NR3C2: variants seen among roughly 807,000 people sequenced by gnomAD.
NR3C2 encodes mineralocorticoid receptor.
Under a neutral mutation model 86.4 loss-of-function variants are expected in NR3C2, and 15 were observed. That is an observed-to-expected ratio of 0.17 (90% CI 0.12 to 0.27). The LOEUF (loss-of-function observed/expected upper bound fraction) is 0.27. Ranked by LOEUF, NR3C2 falls within the 10% of genes least tolerant of loss-of-function variation. NR3C2 has a pLI of 1.00. For missense variants in NR3C2, 960 were observed against 1,195.6 expected, an observed-to-expected ratio of 0.80 and a Z score of 2.91; for synonymous variants, 458 against 450.5, an observed-to-expected ratio of 1.02 and a Z score of -0.21.
At chr4:148,168,821 C>T (rs1305248106) in intron 4 of NR3C2, among the ~76,000 whole-genome samples, 1 of 152,122 alleles carries the variant, frequency 6.6e-6, no homozygotes, top group African/African-American at 2.4e-5. Flanking sequence ...TCTTGGTGGC[C>T]AGCTCCTTAG....
intron 2 of NR3C2, among the ~76,000 whole-genome samples, chr4:148,339,055 G>C (rs1744627677): frequency 6.6e-6 from 1 of 152,160 alleles, no homozygotes; most frequent in African/African-American, 2.4e-5. Context: ...TATTATTTTA[G>C]TATCTGTAAG....
Position 148,119,157 on chromosome 4 carries a change from C to G in NR3C2, c.2641+1001G>C, listed in dbSNP as rs1012041017. On this transcript the variant is annotated intron_variant, in intron 7 of 8. Coordinates refer to ENST00000358102, the MANE Select transcript of NR3C2 (RefSeq NM_000901.5). Reference sequence around the variant, plus strand: ...TGAATATTTTGGTCTAATCCACACCCCAATCTTATTACCCACAACTCCTCC... The same window carrying G: ...TGAATATTTTGGTCTAATCCACACCGCAATCTTATTACCCACAACTCCTCC... Among the ~76,000 whole-genome samples the G allele has an allele frequency of 2.0e-5, 3 of 152,164 alleles. No homozygotes were observed. The East Asian group carries it at 5.8e-4, about 29-fold the overall frequency.
At chr4:148,209,608 T>C (rs1452431969) in intron 3 of NR3C2, among the ~76,000 whole-genome samples, 1 of 152,258 alleles carries the variant, frequency 6.6e-6, no homozygotes, top group South Asian at 2.1e-4. Flanking sequence ...TAAGAAAGCA[T>C]ATAGATTTAT....
intron 2 of NR3C2, among the ~76,000 whole-genome samples, chr4:148,303,786 G>A (rs192423500): frequency 6.6e-6 from 1 of 152,200 alleles, no homozygotes; most frequent in African/African-American, 2.4e-5. Context: ...CATGGATAAA[G>A]GTCACGCTAG....
Position 148,316,701 on chromosome 4 carries a change from AC to A in NR3C2, c.1758-56585del, listed in dbSNP as rs540021944. 1.0e-3 allele frequency among the ~76,000 whole-genome samples: 157 copies of A among 152,268 alleles called. 1 individual carries two copies. The highest frequency in any genetic ancestry group is 3.6e-3 in the African/African-American group (148 of 41,544). On this transcript the variant is annotated intron_variant, in intron 2 of 8. Transcript: ENST00000358102. ...CTCCAATTTTATACTATATATTTAT[AC>A]TTCTCATTATTTTAGAGAGCATACA...
At chr4:148,387,762 T>C (rs944815216) in intron 2 of NR3C2, among the ~76,000 whole-genome samples, 5 of 152,206 alleles carry the variant, frequency 3.3e-5, no homozygotes, top group Admixed American at 3.3e-4. Flanking sequence ...CCCAAAGAAT[T>C]TAACAGTGAC....
intron 2 of NR3C2, among the ~76,000 whole-genome samples, chr4:148,263,332 C>T (rs1334377414): frequency 6.6e-6 from 1 of 152,194 alleles, no homozygotes; most frequent in African/African-American, 2.4e-5. Context: ...AGGTTCAAAC[C>T]TTGTACTCTT....
Position 148,320,240 on chromosome 4 carries a change from G to C in NR3C2, c.1758-60123C>G, listed in dbSNP as rs1348085609. Among the ~76,000 whole-genome samples the C allele has an allele frequency of 1.4e-4, 10 of 71,660 alleles. 4 individuals carry two copies. The highest frequency in any genetic ancestry group is 2.5e-4 in the Non-Finnish European group (10 of 39,610). The allele number at this position is 71,660 out of a possible 152,430, so 47.0% of individuals were successfully genotyped here. On this transcript the variant is annotated intron_variant, in intron 2 of 8. Coordinates refer to ENST00000358102, the MANE Select transcript of NR3C2 (RefSeq NM_000901.5). ...CAGGGATGAAGCCCACTTGATCATG[G>C]TGGATAAGTTTTTGATGTGCTGCTG...
intron 2 of NR3C2, among the ~76,000 whole-genome samples, chr4:148,271,701 G>A (rs1399029132): frequency 6.6e-6 from 1 of 151,830 alleles, no homozygotes; most frequent in African/African-American, 2.4e-5. Flanking sequence ...TATATATTTT[G>A]GCTTTGAGAA....
chr4:148,176,935 G>T (rs1735405367), intron 4 of NR3C2, among the ~76,000 whole-genome samples: 1 of 152,184 alleles, frequency 6.6e-6, no homozygotes, highest in Non-Finnish European at 1.5e-5. Context: ...TTAGTACGCT[G>T]AAGGAAGAAG....
At chr4:148,097,121 G>A (rs1041302230) in intron 8 of NR3C2, among the ~76,000 whole-genome samples, 1 of 152,114 alleles carries the variant, frequency 6.6e-6, no homozygotes, top group Non-Finnish European at 1.5e-5. Context: ...CTAGCCTTTA[G>A]GAAACGCCTT....
chr4:148,145,341 C>A (rs547105686), intron 6 of NR3C2, among the ~76,000 whole-genome samples: 2 of 152,290 alleles, frequency 1.3e-5, no homozygotes, highest in South Asian at 4.1e-4. Flanking sequence ...CAGCCCACCC[C>A]AAGGGAAGAA....
intron 4 of NR3C2, 69 bp from the exon 5 acceptor site, chr4:148,154,970 AAAG>A (rs1734292349): frequency 7.9e-7 from 1 of 1,266,152 alleles, no homozygotes; most frequent in Admixed American, 2.0e-5. Flanking sequence ...CACACTGGTT[AAAG>A]TACAGTTTTC....
intron 6 of NR3C2, among the ~76,000 whole-genome samples, chr4:148,120,829 T>C (rs967835365): frequency 4.1e-4 from 62 of 152,308 alleles, no homozygotes; most frequent in African/African-American, 1.4e-3. Flanking sequence ...AAAAATACTT[T>C]AAAAGGTGAG....
chr4:148,297,995 T>G (rs888769415), intron 2 of NR3C2, among the ~76,000 whole-genome samples: 1 of 151,744 alleles, frequency 6.6e-6, no homozygotes, highest in Non-Finnish European at 1.5e-5. Flanking sequence ...TTGGAAGGAG[T>G]GTAAAGTGTT....
chr4:148,254,928 CT>C (rs1474376277), intron 3 of NR3C2, among the ~76,000 whole-genome samples: 8 of 152,096 alleles, frequency 5.3e-5, no homozygotes, highest in Non-Finnish European at 1.2e-4. Flanking sequence ...ATTATTCCCC[CT>C]ACTTTATCAG....
rs370209760 is a variant in NR3C2, at chr4:148,428,117, C to A, written c.1757+6987G>T. ...TCAAGTGGTCTAAGTATAGTAATAA[C>A]CCAAACAGAAATCACATGCCACCTG... On this transcript the variant is annotated intron_variant, in intron 2 of 8. Transcript: ENST00000358102. 1.1e-4 allele frequency among the ~76,000 whole-genome samples: 17 copies of A among 152,228 alleles called. No homozygotes were observed. The East Asian group carries it at 2.9e-3, about 26-fold the overall frequency.
In NR3C2 at chr4:148,116,414, T is replaced by C. The variant is rs1732275163; in HGVS notation, c.2642-2153A>G. Among the ~76,000 whole-genome samples the C allele has an allele frequency of 3.3e-5, 5 of 152,368 alleles. No homozygotes were observed. The South Asian group carries it at 1.0e-3, about 32-fold the overall frequency. ...ATTTTGGAGTTCTGCCCAGAGTTTCTGAATTTACTTATTAAATGCAGCAGA... is the reference window on the plus strand; with the variant it reads ...ATTTTGGAGTTCTGCCCAGAGTTTCCGAATTTACTTATTAAATGCAGCAGA... On this transcript the variant is annotated intron_variant, in intron 7 of 8. Transcript: ENST00000358102.
chr4:148,318,198 C>T (rs1242873135), intron 2 of NR3C2, among the ~76,000 whole-genome samples: 1 of 151,550 alleles, frequency 6.6e-6, no homozygotes, highest in Non-Finnish European at 1.5e-5. Context: ...CTACAAAGGA[C>T]ATGAACTCAT....
Sources: allele counts gnomAD v4.1 joint callset (sites outside exome capture counted in the v4.1 genomes callset), GRCh38; gene constraint gnomAD v4.1.1; transcripts MANE v1.5; gene names NCBI Gene and HGNC (gene_info 2026-07-23, HGNC 2026-07-21).